Variants in TMTC1 observed in about 807,000 individuals in gnomAD.
TMTC1 encodes protein O-mannosyl-transferase TMTC1.
A neutral mutation model predicts 104.8 loss-of-function variants in TMTC1; 73 were observed. That is an observed-to-expected ratio of 0.70 (90% confidence interval 0.58 to 0.85). TMTC1 has a LOEUF of 0.85. Ranked by LOEUF, TMTC1 falls within the 40% of genes least tolerant of loss-of-function variation. TMTC1 has a pLI of 0.00. For synonymous variants in TMTC1, 434 were observed against 428.7 expected (o/e 1.01, Z -0.15); for missense variants, 1,035 against 1,096.1 (o/e 0.94, Z 0.79).
chr12:29,519,973 C>T (rs1417448597), intron 12 of TMTC1, among the ~76,000 whole-genome samples: 1 of 152,204 alleles, frequency 6.6e-6, no homozygotes, highest in African/African-American at 2.4e-5. Flanking sequence ...TAGTAATCAA[C>T]AAGAACAAAG....
chr12:29,546,280 C>T (rs1944940166), intron 10 of TMTC1, among the ~76,000 whole-genome samples: 1 of 152,180 alleles, frequency 6.6e-6, no homozygotes, highest in Middle Eastern at 3.2e-3. Context: ...TTGTCCCTGT[C>T]ACTTGCAGGA....
At chr12:29,695,828 T>TATAA (rs1243156784) in intron 5 of TMTC1, among the ~76,000 whole-genome samples, 2 of 106,176 alleles carry the variant, frequency 1.9e-5, no homozygotes, top group Non-Finnish European at 2.0e-5. Context: ...TATATATATA[T>TATAA]AACCTGTCTT....
rs1432623380 is a variant in TMTC1, at chr12:29,504,072, A to C, written c.*2774T>G. ...GAACTCCATCCTGGGTGACAAAAAG[A>C]CAAAGTGGAACTGTGTCTCAAAAAA... On this transcript the variant is annotated 3_prime_UTR_variant, in exon 18 of 18. Transcript: ENST00000539277. The C allele has an allele frequency of 5.3e-5, 8 of 152,080 alleles. No individual in the cohort carries two copies. The highest frequency in any genetic ancestry group is 5.2e-4 in the Admixed American group (8 of 15,266). 9.4% of individuals were successfully genotyped at this position (152,080 alleles called of 1,614,324 possible). A position where few individuals can be genotyped will look rare whatever the true frequency, so the allele number is the denominator to read the frequency against.
At chr12:29,663,856 G>A (rs536745912) in intron 5 of TMTC1, among the ~76,000 whole-genome samples, 1 of 152,122 alleles carries the variant, frequency 6.6e-6, no homozygotes, top group Admixed American at 6.5e-5. Context: ...TTGCTATGAT[G>A]GCTATTTCAC....
In TMTC1 at chr12:29,735,029, C is replaced by T. The variant is rs1942635416; in HGVS notation, c.938+16637G>A. Among the ~76,000 whole-genome samples the T allele has an allele frequency of 2.0e-5, 3 of 152,324 alleles. No homozygotes were observed. In the South Asian group the frequency reaches 6.2e-4, roughly 32 times the overall value. ...AATATCTAACCATTAAACAACTAAGCATATGCCAACCGTGTTCACATTCAA... is the reference window on the plus strand; with the variant it reads ...AATATCTAACCATTAAACAACTAAGTATATGCCAACCGTGTTCACATTCAA... On this transcript the variant is annotated intron_variant, in intron 5 of 17. Coordinates refer to ENST00000539277, the MANE Select transcript of TMTC1 (RefSeq NM_001193451.2).
At chr12:29,574,430 T>C (rs1592255582) in intron 8 of TMTC1, among the ~76,000 whole-genome samples, 1 of 152,282 alleles carries the variant, frequency 6.6e-6, no homozygotes, top group South Asian at 2.1e-4. Context: ...TCAGAGACAT[T>C]AAAAACCTTG....
At chr12:29,724,715 C>T (rs960856671) in intron 5 of TMTC1, among the ~76,000 whole-genome samples, 6 of 152,004 alleles carry the variant, frequency 3.9e-5, no homozygotes, top group East Asian at 1.9e-4. Flanking sequence ...GGAATACAAA[C>T]GTGGTGAAAC....
rs12311212 is a variant in TMTC1 at position 29,726,110 on chromosome 12, T to C, written c.938+25556A>G. On this transcript the variant is annotated intron_variant, in intron 5 of 17. Coordinates refer to ENST00000539277, the MANE Select transcript of TMTC1 (RefSeq NM_001193451.2). The stretch of plus-strand genomic sequence containing the variant: ...AAAACATACACCGTGTTCTGGTTCA[T>C]CTAGCATTGCTCTGGGAAAAAACAA... Among the ~76,000 whole-genome samples the C allele has an allele frequency of 8.1e-3, 1,238 of 152,292 alleles. 18 individuals are homozygous for C. Among genetic ancestry groups the C allele is most frequent in the African/African-American group, 0.028 (1,166 of 41,554 alleles).
At chr12:29,586,162 G>T (rs1946127842) in intron 7 of TMTC1, among the ~76,000 whole-genome samples, 1 of 152,124 alleles carries the variant, frequency 6.6e-6, no homozygotes, top group Non-Finnish European at 1.5e-5. Flanking sequence ...CACATCCCTT[G>T]TAAGTTGGAT....
intron 5 of TMTC1, among the ~76,000 whole-genome samples, chr12:29,748,497 A>C (rs1943011121): frequency 6.6e-6 from 1 of 152,246 alleles, no homozygotes; most frequent in Admixed American, 6.5e-5. Context: ...TGGTCAAAGC[A>C]CAAGTTTAGG....
At chr12:29,522,844 A>C (rs1291591450) in intron 11 of TMTC1, among the ~76,000 whole-genome samples, 2 of 152,180 alleles carry the variant, frequency 1.3e-5, no homozygotes, top group African/African-American at 4.8e-5. Context: ...GACAACAATC[A>C]TACTTATCTT....
chr12:29,715,543 A>C lies in TMTC1; in HGVS notation c.938+36123T>G, dbSNP rs1435052506. 2.6e-5 allele frequency among the ~76,000 whole-genome samples: 4 copies of C among 152,204 alleles called. No individual in the cohort carries two copies. The East Asian group carries it at 7.7e-4, about 29-fold the overall frequency. ...AAAATAAAGCAAACAGTTACATTGT[A>C]TTTATTATGGCCCAGGAACTATTCT... On this transcript the variant is annotated intron_variant, in intron 5 of 17. Coordinates refer to ENST00000539277, the MANE Select transcript of TMTC1 (RefSeq NM_001193451.2).
intron 8 of TMTC1, among the ~76,000 whole-genome samples, chr12:29,573,549 G>A (rs1945739736): frequency 1.3e-5 from 2 of 152,166 alleles, no homozygotes; most frequent in South Asian, 2.1e-4. Flanking sequence ...TGTAACAATA[G>A]GTGAGCAGGG....
chr12:29,540,217 T>A (rs1381544823), intron 10 of TMTC1, among the ~76,000 whole-genome samples: 1 of 152,218 alleles, frequency 6.6e-6, no homozygotes, highest in Non-Finnish European at 1.5e-5. Flanking sequence ...TAACAGTGAA[T>A]GTGCCATGCA....
At chr12:29,661,824 T>C (rs2136645759) in intron 5 of TMTC1, among the ~76,000 whole-genome samples, 1 of 152,198 alleles carries the variant, frequency 6.6e-6, no homozygotes, top group Admixed American at 6.5e-5. Context: ...TTTTCTCACC[T>C]CCCTGTGGTT....
intron 10 of TMTC1, among the ~76,000 whole-genome samples, chr12:29,546,164 C>A (rs1028628928): frequency 1.3e-5 from 2 of 152,178 alleles, no homozygotes; most frequent in Non-Finnish European, 2.9e-5. Context: ...ACGTGATTCT[C>A]AGTCTGTAAT....
Position 29,783,811 on chromosome 12 carries a change from CG to C in TMTC1, c.-61del. 9.0e-7 allele frequency: 1 copy of C among 1,114,080 alleles called. No homozygotes were observed. Among genetic ancestry groups the C allele is most frequent in the Non-Finnish European group, 1.1e-6 (1 of 914,032 alleles). The allele number at this position is 1,114,080 out of a possible 1,614,324, so 69.0% of individuals were successfully genotyped here. ...CCGGGCGTCTGGCATCCTCCCCTAC[CG>C]GGGCCCCGGCGGCGCGCGGCGTCTG... On this transcript the variant is annotated 5_prime_UTR_variant, in exon 1 of 18. It introduces an in-frame stop codon into an upstream open reading frame of the 5' UTR. Coordinates refer to ENST00000539277, the MANE Select transcript of TMTC1 (RefSeq NM_001193451.2). The surrounding 1 kb of genome is among the most constrained non-coding windows in gnomAD (Gnocchi z 4.7).
At chr12:29,713,402 TC>T (rs1941991560) in intron 5 of TMTC1, among the ~76,000 whole-genome samples, 2 of 151,660 alleles carry the variant, frequency 1.3e-5, no homozygotes, top group East Asian at 3.9e-4. Flanking sequence ...AAACTAATGT[TC>T]TCCATCAGTT....
At position 29,570,866 on chromosome 12, in the gene TMTC1, A is replaced by C. The variant is rs1299728945; in HGVS notation, c.1532+1239T>G. On this transcript the variant is annotated intron_variant, in intron 9 of 17. Coordinates refer to ENST00000539277, the MANE Select transcript of TMTC1 (RefSeq NM_001193451.2). ...GTCTCAAAACAAAACAAAACAAAAC[A>C]AAAAAAACAGAAACACCCCCCCCCC... 3.3e-5 allele frequency among the ~76,000 whole-genome samples: 3 copies of C among 92,136 alleles called. No homozygotes were observed. The Admixed American group carries it at 4.1e-4, about 13-fold the overall frequency. 60.4% of individuals were successfully genotyped at this position (92,136 alleles called of 152,430 possible). A position where few individuals can be genotyped will look rare whatever the true frequency, so the allele number is the denominator to read the frequency against.
Sources: gnomAD v4.1 joint callset for allele counts (sites outside exome capture counted in the v4.1 genomes callset) on GRCh38, gnomAD v4.1.1 for gene constraint, Gnocchi (gnomAD v3.1) non-coding constraint, MANE v1.5 for transcripts, NCBI Gene and HGNC (gene_info 2026-07-23, HGNC 2026-07-21) for gene names.